The following DNAH11 variants were observed in gnomAD, a reference collection of about 807,000 sequenced individuals.
DNAH11 encodes the protein axonemal beta dynein heavy chain 11.
DNAH11 carries 442 observed loss-of-function variants against 526.0 expected under a neutral mutation model. That is an observed-to-expected ratio of 0.84 (90% confidence interval 0.78 to 0.91). The LOEUF is 0.91. Ranked by LOEUF, DNAH11 falls within the 40% of genes least tolerant of loss-of-function variation. DNAH11 has a pLI of 0.00. For missense variants in DNAH11, 6,989 were observed against 5,448.7 expected, an observed-to-expected ratio of 1.28 and a Z score of -8.90; for synonymous variants, 2,461 against 1,935.9, an observed-to-expected ratio of 1.27 and a Z score of -7.12.
chr7:21,852,405 TA>T (rs55939718), intron 66 of DNAH11, 61 bp from the exon 67 acceptor site: 84,783 of 1,219,512 alleles, frequency 0.07, no homozygotes, highest in East Asian at 0.14. Flanking sequence ...AGACTTCCTC[TA>T]AAAAAAAAAA....
chr7:21,670,867 CGTGT>C (rs59872330), intron 30 of DNAH11, among the ~76,000 whole-genome samples: 36 of 147,242 alleles, frequency 2.4e-4, no homozygotes, highest in Admixed American at 3.4e-4. Context: ...TAAGTGTGTA[CGTGT>C]GTGTGTGTGT....
At chr7:21,873,200 T>G (rs1467576414) in intron 73 of DNAH11, 74 bp from the exon 74 acceptor site, 2 of 1,245,018 alleles carry the variant, frequency 1.6e-6, no homozygotes, top group African/African-American at 3.0e-5. Flanking sequence ...CAATTATATA[T>G]AGGAAAATGT....
intron 66 of DNAH11, among the ~76,000 whole-genome samples, chr7:21,846,048 A>G (rs1211811704): frequency 6.6e-6 from 1 of 152,202 alleles, no homozygotes; most frequent in African/African-American, 2.4e-5. Flanking sequence ...AAGCTGGTGT[A>G]TAGAAGAGCA....
intron 14 of DNAH11, among the ~76,000 whole-genome samples, chr7:21,593,138 A>G (rs142118504): frequency 3.3e-5 from 5 of 152,310 alleles, no homozygotes; most frequent in African/African-American, 1.2e-4. Context: ...GAGAAGAGGA[A>G]AATCCCACAG....
chr7:21,898,945 A>C (rs1784632168), intron 79 of DNAH11, among the ~76,000 whole-genome samples: 2 of 152,192 alleles, frequency 1.3e-5, no homozygotes. Context: ...CCACCATCAC[A>C]GCCTTGCCAT....
chr7:21,838,001 C>G (rs1782058634), intron 65 of DNAH11, among the ~76,000 whole-genome samples: 1 of 152,142 alleles, frequency 6.6e-6, no homozygotes, highest in Non-Finnish European at 1.5e-5. Context: ...GTCAGTCATA[C>G]ACATCCTGAA....
At chr7:21,780,669 CA>C (rs1296930798) in intron 57 of DNAH11, among the ~76,000 whole-genome samples, 1 of 152,134 alleles carries the variant, frequency 6.6e-6, no homozygotes, top group Non-Finnish European at 1.5e-5. Flanking sequence ...ACTCATCTGA[CA>C]GGTTGTTTAG....
chr7:21,831,916 C>G (rs1356871601), intron 65 of DNAH11, among the ~76,000 whole-genome samples: 1 of 151,918 alleles, frequency 6.6e-6, no homozygotes, highest in Non-Finnish European at 1.5e-5. Flanking sequence ...AAGGTGAAAC[C>G]CCATCTCTAC....
chr7:21,743,169 G>A (rs980467489), intron 49 of DNAH11, among the ~76,000 whole-genome samples: 4 of 152,250 alleles, frequency 2.6e-5, no homozygotes, highest in Non-Finnish European at 5.9e-5. Context: ...CTTGGCAGTG[G>A]AAGCAAAGGT....
chr7:21,745,890 G>A (rs1416570639), intron 51 of DNAH11, among the ~76,000 whole-genome samples: 1 of 152,154 alleles, frequency 6.6e-6, no homozygotes, highest in Non-Finnish European at 1.5e-5. Flanking sequence ...AAGATCTGGA[G>A]GAAGAACATT....
chr7:21,684,933 G>A (rs761824197), intron 32 of DNAH11, among the ~76,000 whole-genome samples: 6 of 152,180 alleles, frequency 3.9e-5, no homozygotes, highest in Non-Finnish European at 8.8e-5. Context: ...ATAGCTGCAT[G>A]CCCAATTATC....
At chr7:21,673,647 A>C (rs1414469641) in intron 30 of DNAH11, among the ~76,000 whole-genome samples, 2 of 152,066 alleles carry the variant, frequency 1.3e-5, no homozygotes, top group Admixed American at 1.3e-4. Context: ...GCTCTTGCTC[A>C]TTCCCATCAG....
rs55801704 is a variant in DNAH11, at chr7:21,868,104, CT to C, written c.11839+113del. 0.051 allele frequency: 34,647 copies of C among 685,456 alleles called. 140 individuals carry two copies. The highest frequency in any genetic ancestry group is 0.14 in the East Asian group (3,451 of 24,226). 42.5% of individuals were successfully genotyped at this position (685,456 alleles called of 1,614,324 possible). A position where few individuals can be genotyped will look rare whatever the true frequency, so the allele number is the denominator to read the frequency against. Reference sequence around the variant, plus strand: ...TTTCAGTTCACAGTGATCTTAGTTTCTTTTTTTTTTTTTTTTAATTTGTTGA... The same window carrying C: ...TTTCAGTTCACAGTGATCTTAGTTTCTTTTTTTTTTTTTTTAATTTGTTGA... On this transcript the variant is annotated intron_variant, in intron 72 of 81. Coordinates refer to ENST00000409508, the MANE Select transcript of DNAH11 (RefSeq NM_001277115.2).
intron 28 of DNAH11, among the ~76,000 whole-genome samples, chr7:21,655,077 C>A (rs965650284): frequency 1.3e-5 from 2 of 149,098 alleles, no homozygotes; most frequent in Admixed American, 6.7e-5. Context: ...TCCCCCCCCA[C>A]CCCCAAATTG....
chr7:21,595,807 A>G (rs1784838691), intron 14 of DNAH11, among the ~76,000 whole-genome samples: 1 of 152,152 alleles, frequency 6.6e-6, no homozygotes, highest in African/African-American at 2.4e-5. Context: ...CACCGAGAAC[A>G]TGAGTTTAGC....
At chr7:21,550,745 A>G (rs1782991554) in intron 2 of DNAH11, among the ~76,000 whole-genome samples, 1 of 152,216 alleles carries the variant, frequency 6.6e-6, no homozygotes, top group South Asian at 2.1e-4. Context: ...CCATGAGGCC[A>G]AATCTAGGTA....
At chr7:21,760,100 C>T (rs56946847) in intron 54 of DNAH11, among the ~76,000 whole-genome samples, 2 of 147,070 alleles carry the variant, frequency 1.4e-5, no homozygotes, top group Middle Eastern at 3.4e-3. Context: ...TGCTCACTTG[C>T]AATTGTCAAG....
intron 68 of DNAH11, among the ~76,000 whole-genome samples, chr7:21,861,354 A>C (rs1298009823): frequency 1.3e-5 from 2 of 152,238 alleles, no homozygotes; most frequent in African/African-American, 2.4e-5. Flanking sequence ...CGTGAAGAGA[A>C]TCTGTACTGC....
intron 55 of DNAH11, among the ~76,000 whole-genome samples, chr7:21,770,004 C>G (rs1295318319): frequency 6.6e-6 from 1 of 152,224 alleles, no homozygotes; most frequent in Middle Eastern, 3.4e-3. Flanking sequence ...AATGCACTCA[C>G]CAGACAACTC....
Sources: gnomAD v4.1 joint callset for allele counts (sites outside exome capture counted in the v4.1 genomes callset) on GRCh38, gnomAD v4.1.1 for gene constraint, MANE v1.5 for transcripts, NCBI Gene and HGNC (gene_info 2026-07-23, HGNC 2026-07-21) for gene names.